Variants in SH3GL2 observed in about 807,000 individuals in gnomAD.
SH3GL2 encodes the protein endophilin-A1.
Under a neutral mutation model 46.0 loss-of-function variants are expected in SH3GL2, and 24 were observed. The observed-to-expected ratio is 0.52, with a 90% CI of 0.38 to 0.73. SH3GL2 has a LOEUF of 0.73. Ranked by LOEUF, SH3GL2 falls within the 30% of genes least tolerant of loss-of-function variation. The pLI is 0.00. For synonymous variants in SH3GL2, 196 were observed against 147.1 expected, an observed-to-expected ratio of 1.33 and a Z score of -2.40; for missense variants, 413 against 424.2, an observed-to-expected ratio of 0.97 and a Z score of 0.23.
At chr9:17,592,890 C>T (rs536427788) in intron 1 of SH3GL2, among the ~76,000 whole-genome samples, 1 of 152,258 alleles carries the variant, frequency 6.6e-6, no homozygotes, top group African/African-American at 2.4e-5. Flanking sequence ...CTTTCAGCTC[C>T]AGCCTCCTTA....
intron 2 of SH3GL2, among the ~76,000 whole-genome samples, chr9:17,751,853 AC>A (rs35670812): frequency 0.03 from 4,611 of 151,740 alleles, 237 homozygotes; most frequent in African/African-American, 0.1. Flanking sequence ...GCTAAGACAC[AC>A]CCCCCCGGTG....
chr9:17,680,519 T>C (rs1380988353), intron 1 of SH3GL2, among the ~76,000 whole-genome samples: 1 of 152,182 alleles, frequency 6.6e-6, no homozygotes, highest in Non-Finnish European at 1.5e-5. Flanking sequence ...TTCTTCTCTC[T>C]TTTCTTCTTT....
intron 1 of SH3GL2, among the ~76,000 whole-genome samples, chr9:17,646,902 T>C (rs1420262644): frequency 1.3e-5 from 2 of 152,236 alleles, no homozygotes; most frequent in African/African-American, 2.4e-5. Context: ...GGTCGAGCAC[T>C]GTGCTGGGTG....
intron 1 of SH3GL2, among the ~76,000 whole-genome samples, chr9:17,708,505 T>C (rs1821534015): frequency 6.6e-6 from 1 of 152,020 alleles, no homozygotes; most frequent in African/African-American, 2.4e-5. Flanking sequence ...GATGAAACCA[T>C]TAGAGCTTGA....
intron 1 of SH3GL2, among the ~76,000 whole-genome samples, chr9:17,740,815 C>G (rs1296649883): frequency 6.6e-6 from 1 of 151,956 alleles, no homozygotes; most frequent in African/African-American, 2.4e-5. Flanking sequence ...TGACAAAGTG[C>G]TTTTACACAT....
At chr9:17,663,623 T>G (rs1820275201) in intron 1 of SH3GL2, among the ~76,000 whole-genome samples, 1 of 152,196 alleles carries the variant, frequency 6.6e-6, no homozygotes, top group African/African-American at 2.4e-5. Flanking sequence ...ACCTGCTAAT[T>G]GCATTATTAT....
At chr9:17,670,167 G>A (rs115366256) in intron 1 of SH3GL2, among the ~76,000 whole-genome samples, 1 of 152,052 alleles carries the variant, frequency 6.6e-6, no homozygotes, top group South Asian at 2.1e-4. Context: ...TGCTCAAAAA[G>A]GGGAGGTAGA....
intron 1 of SH3GL2, among the ~76,000 whole-genome samples, chr9:17,609,424 A>G (rs951242908): frequency 4.6e-5 from 7 of 152,076 alleles, no homozygotes; most frequent in Non-Finnish European, 8.8e-5. Context: ...GGGGTTGCAA[A>G]TCATATGCGT....
chr9:17,770,046 C>T (rs1341351275), intron 3 of SH3GL2, among the ~76,000 whole-genome samples: 3 of 152,144 alleles, frequency 2.0e-5, no homozygotes, highest in African/African-American at 4.8e-5. Context: ...CTCCATCTTA[C>T]GGGAGTAGCT....
chr9:17,674,914 T>C (rs1244772732), intron 1 of SH3GL2, among the ~76,000 whole-genome samples: 1 of 152,020 alleles, frequency 6.6e-6, no homozygotes, highest in African/African-American at 2.4e-5. Flanking sequence ...TCTTGGCCAG[T>C]GCAAGTGACC....
At chr9:17,773,487 TATAGTATTAGAAAAAGGTCCAA>T (rs1823551915) in intron 3 of SH3GL2, among the ~76,000 whole-genome samples, 1 of 152,184 alleles carries the variant, frequency 6.6e-6, no homozygotes, top group South Asian at 2.1e-4. Flanking sequence ...AATTTTTGTA[TATAGTATTAGAAAAAGGTCCAA>T]ATTCATTTTT....
At chr9:17,586,375 TTATGA>T (rs1037174681) in intron 1 of SH3GL2, among the ~76,000 whole-genome samples, 4 of 152,160 alleles carry the variant, frequency 2.6e-5, no homozygotes, top group African/African-American at 9.7e-5. Context: ...TTTTTTTGAA[TTATGA>T]TATATATAAA....
chr9:17,689,049 T>C (rs7874762), intron 1 of SH3GL2, among the ~76,000 whole-genome samples: 80,650 of 151,794 alleles, frequency 0.53, 22,708 homozygotes, highest in African/African-American at 0.7. Flanking sequence ...GATCAAGGTG[T>C]ACGTCATCAA....
chr9:17,643,178 G>A (rs1385770998), intron 1 of SH3GL2, among the ~76,000 whole-genome samples: 1 of 152,060 alleles, frequency 6.6e-6, no homozygotes, highest in Non-Finnish European at 1.5e-5. Context: ...CTCATGATTT[G>A]GCTCTGTATT....
At chr9:17,645,616 C>T (rs1323908489) in intron 1 of SH3GL2, among the ~76,000 whole-genome samples, 1 of 152,030 alleles carries the variant, frequency 6.6e-6, no homozygotes, top group Non-Finnish European at 1.5e-5. Flanking sequence ...GGTTTTATTT[C>T]TCCTTCATTT....
At chr9:17,631,972 T>G (rs1188775983) in intron 1 of SH3GL2, among the ~76,000 whole-genome samples, 1 of 152,186 alleles carries the variant, frequency 6.6e-6, no homozygotes, top group East Asian at 1.9e-4. Flanking sequence ...TTAATTTTCT[T>G]GGCAACAGAA....
At chr9:17,740,709 G>C (rs1242200950) in intron 1 of SH3GL2, among the ~76,000 whole-genome samples, 2 of 152,082 alleles carry the variant, frequency 1.3e-5, no homozygotes, top group East Asian at 3.9e-4. Flanking sequence ...AGATTTTTTT[G>C]CTAAATGTGT....
intron 1 of SH3GL2, among the ~76,000 whole-genome samples, chr9:17,615,266 A>G (rs1392503465): frequency 6.6e-6 from 1 of 152,254 alleles, no homozygotes; most frequent in Non-Finnish European, 1.5e-5. Flanking sequence ...GAATTCTCAG[A>G]TAAATCCATA....
chr9:17,582,180 C>T (rs1367706340), intron 1 of SH3GL2, among the ~76,000 whole-genome samples: 3 of 152,100 alleles, frequency 2.0e-5, no homozygotes, highest in Non-Finnish European at 2.9e-5. Flanking sequence ...CAGTTATTTT[C>T]AATATGTTTA....
Sources: allele counts gnomAD v4.1 joint callset (sites outside exome capture counted in the v4.1 genomes callset), GRCh38; gene constraint gnomAD v4.1.1; transcripts MANE v1.5; gene names NCBI Gene and HGNC (gene_info 2026-07-23, HGNC 2026-07-21).